MBD5: variants seen among roughly 807,000 people sequenced by gnomAD.
MBD5 encodes methyl-CpG binding domain protein 5.
MBD5 carries 13 observed loss-of-function variants against 117.3 expected under a neutral mutation model. The observed-to-expected ratio is 0.11, with a 90% CI of 0.07 to 0.18. MBD5 has a LOEUF of 0.18. MBD5 is among the 10% of genes least tolerant of loss of function. MBD5 has a pLI of 1.00. For missense variants in MBD5, 1,879 were observed against 2,093.8 expected, an observed-to-expected ratio of 0.90 and a Z score of 2.00; for synonymous variants, 727 against 766.4, an observed-to-expected ratio of 0.95 and a Z score of 0.85.
At chr2:148,289,255 A>C (rs4972348) in intron 3 of MBD5, among the ~76,000 whole-genome samples, 152,034 of 152,316 alleles carry the variant, frequency 1, 75,876 homozygotes, top group Middle Eastern at 1. Context: ...TAAAACTATG[A>C]AAAGCCTTTA....
chr2:148,030,264 G>A (rs192017162), intron 1 of MBD5, among the ~76,000 whole-genome samples: 53 of 151,554 alleles, frequency 3.5e-4, no homozygotes, highest in African/African-American at 1.3e-3. Context: ...AACAGAGCAA[G>A]ACTCTGTCTC....
chr2:148,221,337 C>T (rs1042821350), intron 2 of MBD5, among the ~76,000 whole-genome samples: 1 of 152,042 alleles, frequency 6.6e-6, no homozygotes, highest in Non-Finnish European at 1.5e-5. Flanking sequence ...TTTTGAGGAA[C>T]CTCCAGACTG....
At chr2:148,201,477 C>CT (rs1158511129) in intron 2 of MBD5, among the ~76,000 whole-genome samples, 5 of 152,240 alleles carry the variant, frequency 3.3e-5, no homozygotes, top group Admixed American at 3.3e-4. Flanking sequence ...CTTAACAACT[C>CT]TGTCAGCCCG....
intron 4 of MBD5, among the ~76,000 whole-genome samples, chr2:148,365,799 A>G (rs541013034): frequency 6.6e-6 from 1 of 152,278 alleles, no homozygotes; most frequent in Admixed American, 6.5e-5. Context: ...ATCACTGAAT[A>G]GACCAATAAA....
At chr2:148,037,090 A>G (rs545245317) in intron 1 of MBD5, among the ~76,000 whole-genome samples, 1 of 152,086 alleles carries the variant, frequency 6.6e-6, no homozygotes, top group South Asian at 2.1e-4. Context: ...GGCAGAATGA[A>G]TTTTCTCTTC....
chr2:148,023,688 T>G (rs1693827097), intron 1 of MBD5, among the ~76,000 whole-genome samples: 1 of 152,126 alleles, frequency 6.6e-6, no homozygotes, highest in African/African-American at 2.4e-5. Context: ...ATTATGTAGA[T>G]AATTGGGGTG....
chr2:148,156,767 G>A (rs2105714646), intron 1 of MBD5, among the ~76,000 whole-genome samples: 1 of 152,290 alleles, frequency 6.6e-6, no homozygotes, highest in Non-Finnish European at 1.5e-5. Context: ...AAAAACTAAT[G>A]ATAATTATTT....
chr2:148,060,639 A>G (rs1397355610), intron 1 of MBD5, among the ~76,000 whole-genome samples: 2 of 152,188 alleles, frequency 1.3e-5, no homozygotes, highest in African/African-American at 2.4e-5. Flanking sequence ...ACAGAATTAA[A>G]CAGAAGACTT....
intron 4 of MBD5, among the ~76,000 whole-genome samples, chr2:148,417,507 A>G (rs1374026565): frequency 1.3e-5 from 2 of 152,026 alleles, no homozygotes; most frequent in Non-Finnish European, 2.9e-5. Context: ...TGGTAGATCT[A>G]TGTTTAGTTC....
At chr2:148,269,639 A>G (rs1176712792) in intron 3 of MBD5, among the ~76,000 whole-genome samples, 2 of 148,330 alleles carry the variant, frequency 1.3e-5, no homozygotes, top group Non-Finnish European at 3.0e-5. Flanking sequence ...AAAACTTTAT[A>G]CAGATATATC....
At chr2:148,411,512 CTTTTTTT>C (rs1188326755) in intron 4 of MBD5, among the ~76,000 whole-genome samples, 6 of 97,450 alleles carry the variant, frequency 6.2e-5, no homozygotes, top group African/African-American at 1.2e-4. Context: ...AGCATCTGTT[CTTTTTTT>C]TTTTTTTTTT....
chr2:148,485,594 TA>T (rs1681311332), intron 9 of MBD5, 147 bp from the exon 10 acceptor site: 2 of 660,422 alleles, frequency 3.0e-6, no homozygotes, highest in Non-Finnish European at 5.4e-6. Context: ...CCTTACCACT[TA>T]GTAAGACTTT....
rs558335583 is a variant in MBD5, at chr2:148,457,666, G to A, written c.-556-537G>A. ...ACTTCCACTCATATTCAGTAATATG[G>A]GAGGGAAACCACCTCTTATATTTGG... On this transcript the variant is annotated intron_variant, in intron 4 of 13. Transcript: ENST00000642680. Among the ~76,000 whole-genome samples the A allele has an allele frequency of 7.2e-5, 11 of 152,030 alleles. No homozygotes were observed. The South Asian group carries it at 1.7e-3, about 23-fold the overall frequency.
chr2:148,465,805 A>G (rs1707243438), intron 7 of MBD5, among the ~76,000 whole-genome samples: 1 of 152,148 alleles, frequency 6.6e-6, no homozygotes, highest in Non-Finnish European at 1.5e-5. Context: ...GTGAAGAGGT[A>G]TAACTATGTT....
intron 3 of MBD5, among the ~76,000 whole-genome samples, chr2:148,317,375 A>G (rs1702179904): frequency 6.6e-6 from 1 of 152,166 alleles, no homozygotes; most frequent in Non-Finnish European, 1.5e-5. Context: ...GCCTCAAAAA[A>G]AAAAATTGAG....
intron 1 of MBD5, among the ~76,000 whole-genome samples, chr2:148,029,385 A>T (rs1693978904): frequency 6.6e-6 from 1 of 152,160 alleles, no homozygotes; most frequent in African/African-American, 2.4e-5. Flanking sequence ...TATTCAATTT[A>T]TTCGAATTTT....
At chr2:148,403,891 C>T (rs1240982553) in intron 4 of MBD5, among the ~76,000 whole-genome samples, 3 of 152,062 alleles carry the variant, frequency 2.0e-5, no homozygotes, top group Non-Finnish European at 2.9e-5. Flanking sequence ...CCCACCCTCA[C>T]CCCCATTCCT....
intron 3 of MBD5, among the ~76,000 whole-genome samples, chr2:148,278,620 T>A (rs958082522): frequency 2.0e-5 from 3 of 152,208 alleles, no homozygotes; most frequent in African/African-American, 7.2e-5. Context: ...TTCTATTTTT[T>A]AAAATTTATT....
At chr2:148,279,855 A>G (rs1701200065) in intron 3 of MBD5, among the ~76,000 whole-genome samples, 1 of 152,038 alleles carries the variant, frequency 6.6e-6, no homozygotes, top group African/African-American at 2.4e-5. Flanking sequence ...CAGTCATAGT[A>G]CACTGCAGCC....
Sources: allele counts gnomAD v4.1 joint callset (sites outside exome capture counted in the v4.1 genomes callset), GRCh38; gene constraint gnomAD v4.1.1; transcripts MANE v1.5; gene names NCBI Gene and HGNC (gene_info 2026-07-23, HGNC 2026-07-21).